Variants in BTAF1 observed in about 807,000 individuals in gnomAD.
The protein encoded by BTAF1 is B-TFIID TATA-box binding protein associated factor 1.
Under a neutral mutation model 227.1 loss-of-function variants are expected in BTAF1, and 38 were observed. That is an observed-to-expected ratio of 0.17 (90% CI 0.13 to 0.22). The LOEUF (loss-of-function observed/expected upper bound fraction) is 0.22, where lower values mean the gene tolerates loss of function less well. BTAF1 is among the 10% of genes least tolerant of loss of function. The pLI, the probability that BTAF1 is intolerant of heterozygous loss-of-function variation, is 1.00. For synonymous variants in BTAF1, 742 were observed against 751.9 expected (o/e 0.99, Z 0.21); for missense variants, 1,598 against 2,204.0 (o/e 0.73, Z 5.51).
chr10:91,962,500 A>C (rs748099008), intron 11 of BTAF1, 38 bp from the exon 12 acceptor site: 1 of 1,410,500 alleles, frequency 7.1e-7, no homozygotes, highest in South Asian at 1.3e-5. Context: ...GTAACTGTAG[A>C]ATAGAAAATT....
chr10:91,974,762 G>T (rs1282051120), intron 14 of BTAF1, among the ~76,000 whole-genome samples: 1 of 152,150 alleles, frequency 6.6e-6, no homozygotes, highest in Non-Finnish European at 1.5e-5. Flanking sequence ...TGAGACAGGA[G>T]AATCACTTGA....
chr10:91,948,369 C>CTATTTATTTATT (rs59744946), intron 4 of BTAF1, among the ~76,000 whole-genome samples: 3 of 143,046 alleles, frequency 2.1e-5, no homozygotes, highest in African/African-American at 5.2e-5. Context: ...AGTTTTAGAA[C>CTATTTATTTATT]TATTTATTTA....
intron 14 of BTAF1, among the ~76,000 whole-genome samples, chr10:91,967,510 C>G (rs1009506426): frequency 1.3e-5 from 2 of 152,268 alleles, no homozygotes; most frequent in Middle Eastern, 3.4e-3. Flanking sequence ...ATAAGTGCCT[C>G]TTTTGTGTTC....
At chr10:91,958,212 C>G (rs996453147) in intron 8 of BTAF1, among the ~76,000 whole-genome samples, 17 of 152,000 alleles carry the variant, frequency 1.1e-4, no homozygotes, top group Non-Finnish European at 2.9e-5. Flanking sequence ...CCACACCCGG[C>G]TACTTTTAAA....
chr10:91,959,835 T>C lies in BTAF1; in HGVS notation c.1041T>C (p.Leu347=). The change falls in exon 10 of 38, where the codon CTT becomes CTC. Residue 347 remains leucine (L), a synonymous_variant. Transcript: ENST00000265990. ...EWLEDLVIRL[L]CVFALDRFGD... ...TGGAAGACTTGGTTATTAGACTCCT[T>C]TGTGTTTTTGCATTAGACAGATTTG... The C allele has an allele frequency of 6.2e-7, 1 of 1,608,912 alleles. No homozygotes were observed. The highest frequency in any genetic ancestry group is 1.1e-5 in the South Asian group (1 of 90,208).
intron 26 of BTAF1, 84 bp from the exon 27 acceptor site, chr10:92,008,745 G>T: frequency 7.7e-7 from 1 of 1,299,122 alleles, no homozygotes; most frequent in Non-Finnish European, 1.0e-6. Flanking sequence ...TTTGTTTTGT[G>T]CAAACGTTGT....
At position 92,011,380 on chromosome 10, in the gene BTAF1, A is replaced by C; in HGVS notation, c.4276A>C (p.Asn1426His). 6.8e-7 allele frequency: 1 copy of C among 1,471,728 alleles called. No homozygotes were observed. Among genetic ancestry groups the C allele is most frequent in the South Asian group, 1.5e-5 (1 of 65,364 alleles). The allele number at this position is 1,471,728 out of a possible 1,614,324, so 91.2% of individuals were successfully genotyped here. A position where few individuals can be genotyped will look rare whatever the true frequency, so the allele number is the denominator to read the frequency against. The change falls in exon 30 of 38, where the codon AAT (asparagine) becomes CAT (histidine). Residue 1426 changes from asparagine to histidine, a missense_variant. By Grantham distance (68) the Asn-to-His change is moderately conservative. This residue lies in a region of BTAF1 where 184 missense variants were observed against 341.1 expected (regional missense o/e 0.54). Coordinates refer to ENST00000265990, the MANE Select transcript of BTAF1 (RefSeq NM_003972.3). ...LSKAVKQLTANYRIILSGTPI... is the reference protein window; with the variant it reads ...LSKAVKQLTAHYRIILSGTPI... ...AAAAGCAGTAAAACAACTGACTGCT[A>C]ATTATAGGATTATTCTTTCTGGAAC...
At chr10:92,024,497 C>T (rs1336322373) in intron 34 of BTAF1, among the ~76,000 whole-genome samples, 1 of 151,884 alleles carries the variant, frequency 6.6e-6, no homozygotes, top group African/African-American at 2.4e-5. Flanking sequence ...CCAGCCTGAG[C>T]AACATAGTGA....
chr10:91,953,634 A>AT, intron 5 of BTAF1, 103 bp from the exon 6 acceptor site: 1 of 1,262,784 alleles, frequency 7.9e-7, no homozygotes, highest in Non-Finnish European at 1.1e-6. Context: ...TGATCGATGT[A>AT]TATATACTGA....
intron 20 of BTAF1, among the ~76,000 whole-genome samples, chr10:91,991,271 A>T (rs2676807): frequency 0.014 from 936 of 65,350 alleles, 25 homozygotes; most frequent in South Asian, 0.041. Context: ...TATAAATATA[A>T]ATATATATAT....
At chr10:91,940,742 TG>T (rs1185802006) in intron 3 of BTAF1, among the ~76,000 whole-genome samples, 2 of 152,162 alleles carry the variant, frequency 1.3e-5, no homozygotes, top group African/African-American at 4.8e-5. Context: ...TGGAGTGCAG[TG>T]GTGCAGTTTT....
rs11400019 is a variant in BTAF1 at position 92,016,483 on chromosome 10, C to CTTT, written c.4710+29_4710+31dup. 2.7e-4 allele frequency: 366 copies of CTTT among 1,335,810 alleles called. No homozygotes were observed. Among genetic ancestry groups the CTTT allele is most frequent in the Admixed American group, 5.7e-4 (20 of 34,898 alleles). The allele number at this position is 1,335,810 out of a possible 1,614,324, so 82.7% of individuals were successfully genotyped here. A position where few individuals can be genotyped will look rare whatever the true frequency, so the allele number is the denominator to read the frequency against. ...TATTCCAGGTATAGATTACATTCTA[C>CTTT]TTTTTTTTTTTTTGAGATGGAATTT... On this transcript the variant is annotated intron_variant, in intron 33 of 37. Transcript: ENST00000265990.
chr10:92,020,456 T>C (rs913826970), intron 34 of BTAF1, among the ~76,000 whole-genome samples: 2 of 152,234 alleles, frequency 1.3e-5, no homozygotes, highest in African/African-American at 4.8e-5. Context: ...ATCTAGACTT[T>C]AGTAATTGTT....
intron 34 of BTAF1, among the ~76,000 whole-genome samples, chr10:92,021,353 ATATTT>A (rs1851105115): frequency 1.3e-5 from 2 of 152,324 alleles, no homozygotes; most frequent in African/African-American, 4.8e-5. Context: ...GACTTAGCAA[ATATTT>A]TATATGAGGC....
intron 20 of BTAF1, among the ~76,000 whole-genome samples, chr10:91,990,165 A>G (rs535970812): frequency 2.0e-5 from 3 of 150,956 alleles, no homozygotes; most frequent in African/African-American, 2.4e-5. Context: ...ACTCAGTCCT[A>G]TGTGCTTTTT....
intron 36 of BTAF1, 113 bp downstream of exon 36, chr10:92,026,864 T>C (rs1277020837): frequency 3.3e-6 from 4 of 1,207,776 alleles, no homozygotes; most frequent in Non-Finnish European, 4.6e-6. Flanking sequence ...ACATGTGTTA[T>C]GACCTTGGAC....
chr10:91,982,246 A>T (rs1848115944), intron 17 of BTAF1, 21 bp downstream of exon 17: 1 of 1,613,638 alleles, frequency 6.2e-7, no homozygotes, highest in Non-Finnish European at 8.5e-7. Flanking sequence ...ATTAAGTGTC[A>T]GGTAGTCATA....
chr10:92,016,513 C>G (rs745371450), intron 33 of BTAF1, 48 bp downstream of exon 33: 8 of 1,471,926 alleles, frequency 5.4e-6, no homozygotes, highest in Non-Finnish European at 6.3e-6. Flanking sequence ...GAATTTCACT[C>G]TGTCATCTAG....
At position 91,964,147 on chromosome 10, in the gene BTAF1, G is replaced by T; in HGVS notation, c.1475G>T (p.Ser492Ile). ...ELDDLTASTN[S>I]IMTLLSSLLT... ...GATGATCTAACAGCTTCAACAAATA[G>T]TATTATGACTCTCCTTTCATCCTTG... Residue 492 changes from serine (S) to isoleucine (I), a missense_variant, in exon 13 of 38, where the codon AGT becomes ATT. This residue lies in a region of BTAF1 where 318 missense variants were observed against 435.0 expected (regional missense o/e 0.73). Transcript: ENST00000265990. 1.2e-6 allele frequency: 2 copies of T among 1,612,930 alleles called. No homozygotes were observed. The highest frequency in any genetic ancestry group is 1.7e-6 in the Non-Finnish European group (2 of 1,179,262).
Sources: gnomAD v4.1 joint callset for allele counts (sites outside exome capture counted in the v4.1 genomes callset) on GRCh38, gnomAD v4.1.1 for gene constraint, gnomAD v4.1.1 regional missense constraint, MANE v1.5 for transcripts, NCBI Gene and HGNC (gene_info 2026-07-23, HGNC 2026-07-21) for gene names.